Variants in ADAMTS19 observed in about 807,000 individuals in gnomAD.
ADAMTS19 encodes the protein A disintegrin and metalloproteinase with thrombospondin motifs 19.
A neutral mutation model predicts 153.3 loss-of-function variants in ADAMTS19; 93 were observed. The observed-to-expected ratio is 0.61, with a 90% confidence interval of 0.51 to 0.72. The LOEUF (loss-of-function observed/expected upper bound fraction) is 0.72, where lower values mean the gene tolerates loss of function less well. Among genes scored for constraint, ADAMTS19 ranks in the 30% least tolerant of loss-of-function variants. The pLI is 0.00. For missense variants in ADAMTS19, 1,482 were observed against 1,552.1 expected (o/e 0.95, Z 0.76); for synonymous variants, 600 against 556.6 (o/e 1.08, Z -1.10).
chr5:129,656,831 C>T (rs1383766347), intron 14 of ADAMTS19, among the ~76,000 whole-genome samples: 1 of 152,210 alleles, frequency 6.6e-6, no homozygotes, highest in East Asian at 1.9e-4. Context: ...TAAGAAACTA[C>T]TAACTACCAA....
chr5:129,662,988 G>A (rs391414), intron 15 of ADAMTS19, among the ~76,000 whole-genome samples: 2,950 of 144,640 alleles, frequency 0.02, 45 homozygotes, highest in Non-Finnish European at 0.029. Flanking sequence ...TCTGCCTCCC[G>A]GGTTCAAGCG....
At chr5:129,666,581 T>C (rs1478972598) in intron 16 of ADAMTS19, among the ~76,000 whole-genome samples, 1 of 152,200 alleles carries the variant, frequency 6.6e-6, no homozygotes, top group Non-Finnish European at 1.5e-5. Context: ...CAATAGGAGT[T>C]GAAGTCTAGG....
chr5:129,553,679 G>A (rs1407753560), intron 7 of ADAMTS19, among the ~76,000 whole-genome samples: 27 of 152,056 alleles, frequency 1.8e-4, no homozygotes, highest in African/African-American at 2.4e-5. Flanking sequence ...TCTCCCTTCC[G>A]TATCTTATGG....
intron 3 of ADAMTS19, among the ~76,000 whole-genome samples, chr5:129,516,038 C>T (rs1452601849): frequency 2.0e-5 from 3 of 151,766 alleles, no homozygotes; most frequent in South Asian, 4.1e-4. Context: ...CATCAATTGA[C>T]ATGATCATAT....
chr5:129,517,368 C>T (rs1284476455), intron 3 of ADAMTS19, among the ~76,000 whole-genome samples: 2 of 151,862 alleles, frequency 1.3e-5, no homozygotes, highest in South Asian at 4.1e-4. Context: ...GTGCCCAGTG[C>T]TTAAAGTGGG....
chr5:129,619,602 T>G (rs1751685708), intron 8 of ADAMTS19, among the ~76,000 whole-genome samples: 1 of 152,028 alleles, frequency 6.6e-6, no homozygotes, highest in East Asian at 1.9e-4. Flanking sequence ...ATAGGCAGAT[T>G]GTGTTTTAAA....
intron 7 of ADAMTS19, among the ~76,000 whole-genome samples, chr5:129,573,772 T>C (rs556992347): frequency 6.6e-6 from 1 of 152,254 alleles, no homozygotes; most frequent in South Asian, 2.1e-4. Flanking sequence ...GATTTTTCTC[T>C]TCTCAAGATT....
At chr5:129,487,420 A>G (rs1207564076) in intron 2 of ADAMTS19, among the ~76,000 whole-genome samples, 3 of 152,156 alleles carry the variant, frequency 2.0e-5, no homozygotes, top group Non-Finnish European at 2.9e-5. Context: ...TAGCACCTCA[A>G]TAAAAATACT....
At chr5:129,524,917 C>T (rs1329192495) in intron 3 of ADAMTS19, among the ~76,000 whole-genome samples, 1 of 152,134 alleles carries the variant, frequency 6.6e-6, no homozygotes, top group Non-Finnish European at 1.5e-5. Flanking sequence ...TGGAATCATA[C>T]TACCTAATCT....
chr5:129,686,449 G>A (rs1755096875), intron 18 of ADAMTS19, among the ~76,000 whole-genome samples: 1 of 152,096 alleles, frequency 6.6e-6, no homozygotes, highest in Admixed American at 6.6e-5. Flanking sequence ...TAAAAGGCTA[G>A]AAATATAGAG....
chr5:129,718,512 A>G (rs1211777704), intron 21 of ADAMTS19, among the ~76,000 whole-genome samples: 4 of 152,182 alleles, frequency 2.6e-5, no homozygotes, highest in African/African-American at 9.6e-5. Context: ...TGAATAGCAA[A>G]TCTTTAAAAA....
intron 21 of ADAMTS19, among the ~76,000 whole-genome samples, chr5:129,732,543 CA>C (rs1463515326): frequency 6.6e-6 from 1 of 151,960 alleles, no homozygotes; most frequent in Non-Finnish European, 1.5e-5. Flanking sequence ...AGAATGAAAT[CA>C]AGAAGACGGT....
At chr5:129,481,269 A>C (rs1750399773) in intron 2 of ADAMTS19, among the ~76,000 whole-genome samples, 1 of 152,188 alleles carries the variant, frequency 6.6e-6, no homozygotes, top group Non-Finnish European at 1.5e-5. Context: ...GCGAGAGTGC[A>C]AGTGCAGGGA....
Position 129,701,419 on chromosome 5 carries a change from C to T in ADAMTS19, c.2986C>T (p.Arg996Ter), listed in dbSNP as rs747600290. Residue 996 changes from arginine to a stop codon, truncating the protein, a stop_gained, in exon 20 of 23, where the codon CGA becomes TGA. Transcript: ENST00000274487. LOFTEE classifies it high-confidence loss of function. ...GATGACAGAATGGACCCCTTGTTCACGAACTTGTGGAAAAGGAATGCAGAG... is the reference window on the plus strand; with the variant it reads ...GATGACAGAATGGACCCCTTGTTCATGAACTTGTGGAAAAGGAATGCAGAG... ...WMMTEWTPCS[R>*]TCGKGMQSRQ... The T allele has an allele frequency of 4.3e-6, 7 of 1,614,040 alleles. No individual in the cohort carries two copies. Among genetic ancestry groups the T allele is most frequent in the Middle Eastern group, 1.6e-4 (1 of 6,084 alleles).
At chr5:129,568,211 A>T (rs531867598) in intron 7 of ADAMTS19, among the ~76,000 whole-genome samples, 1 of 152,288 alleles carries the variant, frequency 6.6e-6, no homozygotes, top group South Asian at 2.1e-4. Context: ...AAGTAAAAGA[A>T]ATGACAAATA....
intron 6 of ADAMTS19, among the ~76,000 whole-genome samples, chr5:129,535,168 T>G (rs1752368145): frequency 6.6e-6 from 1 of 152,118 alleles, no homozygotes; most frequent in Admixed American, 6.6e-5. Flanking sequence ...GAAAACCCCA[T>G]CATCTCAGCC....
intron 16 of ADAMTS19, among the ~76,000 whole-genome samples, chr5:129,670,084 G>A (rs916299883): frequency 4.6e-5 from 7 of 151,912 alleles, no homozygotes; most frequent in Admixed American, 2.6e-4. Flanking sequence ...CTAATGTGAC[G>A]CATCAGGAAA....
chr5:129,559,431 G>C (rs573601084), intron 7 of ADAMTS19, among the ~76,000 whole-genome samples: 23 of 152,154 alleles, frequency 1.5e-4, no homozygotes, highest in Admixed American at 2.6e-4. Context: ...TTCATTAGTA[G>C]TAAAGGAAAT....
intron 7 of ADAMTS19, among the ~76,000 whole-genome samples, chr5:129,592,950 T>A (rs1436387957): frequency 6.6e-6 from 1 of 152,234 alleles, no homozygotes. Context: ...ATATTTTATA[T>A]TTTATATACA....
Sources: allele counts gnomAD v4.1 joint callset (sites outside exome capture counted in the v4.1 genomes callset), GRCh38; gene constraint gnomAD v4.1.1; transcripts MANE v1.5; gene names NCBI Gene and HGNC (gene_info 2026-07-23, HGNC 2026-07-21).